DRC11: variants seen among roughly 807,000 people sequenced by gnomAD.
DRC11 encodes the protein IQ and AAA domain-containing protein 1.
At chr2:236,487,037 T>C in the DRC11 span, 3 of 636,916 alleles carry the variant, frequency 4.7e-6, no homozygotes, top group East Asian at 2.8e-5. Context: ...TGTGTGCTGA[T>C]GGAATATTTT....
At chr2:236,335,569 T>C in the DRC11 span, among the ~76,000 whole-genome samples, 1 of 152,184 alleles carries the variant, frequency 6.6e-6, no homozygotes, top group Non-Finnish European at 1.5e-5. The surrounding 1 kb of genome is among the most constrained non-coding windows in gnomAD (Gnocchi z 5.6). Flanking sequence ...TCCTAAGCGA[T>C]GTGTGGTGTT....
chr2:236,487,191 A>G, the DRC11 span, among the ~76,000 whole-genome samples: 3 of 152,204 alleles, frequency 2.0e-5, no homozygotes, highest in Non-Finnish European at 4.4e-5. Context: ...AGATCTAAGG[A>G]CGGCACTTCA....
the DRC11 span, among the ~76,000 whole-genome samples, chr2:236,382,942 TCA>T: frequency 2.0e-5 from 3 of 152,264 alleles, no homozygotes; most frequent in Non-Finnish European, 4.4e-5. Context: ...GAAATACCTC[TCA>T]CATAATTTTC....
chr2:236,340,074 C>T, the DRC11 span, among the ~76,000 whole-genome samples: 11 of 152,280 alleles, frequency 7.2e-5, no homozygotes, highest in East Asian at 1.9e-4. Flanking sequence ...AATTTTTCAG[C>T]GTTTTTGTAG....
chr2:236,451,283 T>C, the DRC11 span, among the ~76,000 whole-genome samples: 2 of 152,090 alleles, frequency 1.3e-5, no homozygotes, highest in African/African-American at 4.8e-5. Context: ...CCTATAGTAT[T>C]TCTCCATTAA....
chr2:236,384,332 G>T, the DRC11 span, among the ~76,000 whole-genome samples: 254 of 151,886 alleles, frequency 1.7e-3, no homozygotes, highest in African/African-American at 5.9e-3. Flanking sequence ...ACCTGTTGTT[G>T]CCTGACTTTT....
chr2:236,325,717 C>T, the DRC11 span, among the ~76,000 whole-genome samples: 1 of 152,090 alleles, frequency 6.6e-6, no homozygotes, highest in Non-Finnish European at 1.5e-5. The surrounding 1 kb of genome is among the most constrained non-coding windows in gnomAD (Gnocchi z 4.4). Context: ...ATTCCCCTGC[C>T]TCAGCCTCCG....
At chr2:236,442,754 T>G in the DRC11 span, among the ~76,000 whole-genome samples, 1 of 152,230 alleles carries the variant, frequency 6.6e-6, no homozygotes, top group Non-Finnish European at 1.5e-5. Flanking sequence ...GTCTAAGTCA[T>G]GGGAACCTCT....
chr2:236,344,610 T>A, the DRC11 span: 1 of 1,613,758 alleles, frequency 6.2e-7, no homozygotes, highest in Non-Finnish European at 8.5e-7. Context: ...GTGTCTTCAA[T>A]CCACACCACG....
At chr2:236,491,003 G>C in the DRC11 span, among the ~76,000 whole-genome samples, 1 of 132,422 alleles carries the variant, frequency 7.6e-6, no homozygotes, top group African/African-American at 2.7e-5. Flanking sequence ...AGAATATATT[G>C]TGTGTATATA....
chr2:236,402,515 G>T, the DRC11 span, among the ~76,000 whole-genome samples: 1 of 152,248 alleles, frequency 6.6e-6, no homozygotes, highest in African/African-American at 2.4e-5. The surrounding 1 kb of genome is among the most constrained non-coding windows in gnomAD (Gnocchi z 6.0). Flanking sequence ...GAGGCCCGGG[G>T]TGCTCGGGAG....
At chr2:236,361,520 T>G in the DRC11 span, among the ~76,000 whole-genome samples, 1 of 152,084 alleles carries the variant, frequency 6.6e-6, no homozygotes, top group Non-Finnish European at 1.5e-5. The surrounding 1 kb of genome is among the most constrained non-coding windows in gnomAD (Gnocchi z 5.7). Context: ...AAATGTATAA[T>G]AAGAAAATGA....
the DRC11 span, among the ~76,000 whole-genome samples, chr2:236,329,926 T>C: frequency 6.6e-6 from 1 of 152,164 alleles, no homozygotes; most frequent in Admixed American, 6.5e-5. Context: ...CTCAAGCACC[T>C]ATAGATAGAA....
the DRC11 span, among the ~76,000 whole-genome samples, chr2:236,321,836 T>G: frequency 6.6e-6 from 1 of 151,896 alleles, no homozygotes. Flanking sequence ...ATAAGACATC[T>G]CGGGCACAGA....
chr2:236,348,563 C>T, the DRC11 span, among the ~76,000 whole-genome samples: 9 of 145,500 alleles, frequency 6.2e-5, no homozygotes, highest in Admixed American at 4.7e-4. The surrounding 1 kb of genome is among the most constrained non-coding windows in gnomAD (Gnocchi z 7.4). Context: ...GAGGAGGGGG[C>T]GGAGCACAAG....
At chr2:236,364,080 T>C in the DRC11 span, 3 of 978,422 alleles carry the variant, frequency 3.1e-6, no homozygotes, top group East Asian at 7.7e-5. Context: ...GTGACTCCAC[T>C]TTCTGCAACA....
chr2:236,409,411 T>C, the DRC11 span, among the ~76,000 whole-genome samples: 2 of 152,288 alleles, frequency 1.3e-5, no homozygotes, highest in African/African-American at 4.8e-5. Context: ...TCTCTGTTTG[T>C]CTGTTGTTGG....
the DRC11 span, among the ~76,000 whole-genome samples, chr2:236,356,465 A>G: frequency 6.6e-6 from 1 of 152,162 alleles, no homozygotes; most frequent in Non-Finnish European, 1.5e-5. Context: ...GGGCATGCGG[A>G]GCCGATGCTT....
the DRC11 span, among the ~76,000 whole-genome samples, chr2:236,498,494 G>C: frequency 3.6e-3 from 546 of 151,322 alleles, 5 homozygotes; most frequent in African/African-American, 0.012. Context: ...GTGAGGTGCA[G>C]ACTGTGGCCT....
Sources: allele counts gnomAD v4.1 joint callset (sites outside exome capture counted in the v4.1 genomes callset), GRCh38; gene constraint gnomAD v4.1.1; non-coding constraint Gnocchi (gnomAD v3.1); transcripts MANE v1.5; gene names NCBI Gene and HGNC (gene_info 2026-07-23, HGNC 2026-07-21).